The following CSRNP3 variants were observed in gnomAD, a reference collection of about 807,000 sequenced individuals.
CSRNP3 encodes the protein cysteine and serine rich nuclear protein 3.
CSRNP3 carries 12 observed loss-of-function variants against 48.0 expected under a neutral mutation model. The ratio of observed to expected loss-of-function variants is 0.25; its 90% CI spans 0.16 to 0.41. CSRNP3 has a LOEUF of 0.41. CSRNP3 is among the 10% of genes least tolerant of loss of function. The pLI is 1.00. For missense variants in CSRNP3, 580 were observed against 724.4 expected (o/e 0.80, Z 2.29); for synonymous variants, 263 against 269.7 (o/e 0.98, Z 0.24).
intron 3 of CSRNP3, among the ~76,000 whole-genome samples, chr2:165,518,681 T>C (rs1308146749): frequency 2.0e-5 from 3 of 152,060 alleles, no homozygotes; most frequent in Non-Finnish European, 2.9e-5. Context: ...TGTGTTTATA[T>C]TGTGGGACCC....
intron 1 of CSRNP3, among the ~76,000 whole-genome samples, chr2:165,480,774 T>TTATACATTA (rs1684029568): frequency 8.3e-6 from 1 of 119,872 alleles, no homozygotes; most frequent in Non-Finnish European, 1.8e-5. Context: ...ATATAAAATT[T>TTATACATTA]TATATATTAT....
At chr2:165,500,343 A>T (rs928478281) in intron 2 of CSRNP3, among the ~76,000 whole-genome samples, 1 of 150,446 alleles carries the variant, frequency 6.6e-6, no homozygotes, top group South Asian at 2.1e-4. Flanking sequence ...ATACATATGT[A>T]TATATGTATA....
At chr2:165,547,255 A>G (rs910952724) in intron 3 of CSRNP3, among the ~76,000 whole-genome samples, 5 of 152,214 alleles carry the variant, frequency 3.3e-5, no homozygotes, top group Admixed American at 2.6e-4. Flanking sequence ...AATTTTCAAT[A>G]TCACAAAGAA....
intron 4 of CSRNP3, among the ~76,000 whole-genome samples, chr2:165,615,188 TTAA>T (rs1329724110): frequency 2.6e-5 from 4 of 152,176 alleles, no homozygotes; most frequent in African/African-American, 7.2e-5. Flanking sequence ...GTGTCTCTCT[TTAA>T]TAATATTTGC....
chr2:165,570,138 G>C (rs1231518510), intron 3 of CSRNP3, among the ~76,000 whole-genome samples: 3 of 151,904 alleles, frequency 2.0e-5, no homozygotes, highest in African/African-American at 7.2e-5. Flanking sequence ...CTGGTGTGCA[G>C]ACTTGAAAAC....
chr2:165,674,120 G>A (rs1687380649), intron 5 of CSRNP3, among the ~76,000 whole-genome samples: 2 of 152,132 alleles, frequency 1.3e-5, no homozygotes, highest in Admixed American at 6.5e-5. Flanking sequence ...GCACAAGTAA[G>A]CATAAATATT....
chr2:165,471,245 C>T (rs1284474173), intron 1 of CSRNP3, among the ~76,000 whole-genome samples: 1 of 151,818 alleles, frequency 6.6e-6, no homozygotes, highest in Non-Finnish European at 1.5e-5. Flanking sequence ...TGAACTGTTT[C>T]TGGATTTCAA....
intron 3 of CSRNP3, among the ~76,000 whole-genome samples, chr2:165,569,293 A>T (rs1023890658): frequency 6.6e-6 from 1 of 152,130 alleles, no homozygotes; most frequent in Non-Finnish European, 1.5e-5. Context: ...TATACATACC[A>T]GTTAATATGG....
In CSRNP3 at chr2:165,485,994, C is replaced by T. The variant is rs367653603; in HGVS notation, c.-282-8765C>T. Among the ~76,000 whole-genome samples the T allele has an allele frequency of 7.9e-5, 12 of 151,256 alleles. No homozygotes were observed. The East Asian group carries it at 9.9e-4, about 12-fold the overall frequency. ...GGTCTACAGCTCCCAGCGTGAGCGA[C>T]GCAGAAGACGGGTGATTTCTGCATT... is the stretch of plus-strand genomic sequence containing the variant. On this transcript the variant is annotated intron_variant, in intron 1 of 6. Transcript: ENST00000651982.
chr2:165,663,266 T>C lies in CSRNP3; in HGVS notation c.408+5246T>C, dbSNP rs367552894. Among the ~76,000 whole-genome samples, 4 of 152,190 alleles carry C rather than the reference T, an allele frequency of 2.6e-5. No individual in the cohort carries two copies. In the South Asian group the frequency reaches 6.2e-4, roughly 24 times the overall value. ...AACTATTTCCCCATACTCTGATTCT[T>C]TATTAGATGTGTCAGAACCTGCTGG... On this transcript the variant is annotated intron_variant, in intron 5 of 6. Transcript: ENST00000651982.
intron 3 of CSRNP3, among the ~76,000 whole-genome samples, chr2:165,561,215 C>T (rs1685229534): frequency 6.6e-6 from 1 of 152,110 alleles, no homozygotes; most frequent in Non-Finnish European, 1.5e-5. Flanking sequence ...AATCTTTATG[C>T]CTTACATTTG....
At chr2:165,577,349 A>G (rs535258909) in intron 3 of CSRNP3, among the ~76,000 whole-genome samples, 1 of 151,970 alleles carries the variant, frequency 6.6e-6, no homozygotes, top group South Asian at 2.1e-4. Flanking sequence ...AAAATTGTAA[A>G]ATGATTTTAA....
chr2:165,546,276 C>G (rs1685023990), intron 3 of CSRNP3, among the ~76,000 whole-genome samples: 1 of 152,136 alleles, frequency 6.6e-6, no homozygotes, highest in South Asian at 2.1e-4. Flanking sequence ...ACTGCAACCT[C>G]TGTTCAATTG....
chr2:165,514,608 C>T (rs1449918759), intron 2 of CSRNP3, among the ~76,000 whole-genome samples: 1 of 152,244 alleles, frequency 6.6e-6, no homozygotes, highest in Non-Finnish European at 1.5e-5. Context: ...CTGGAATGGT[C>T]ACCTGCATCA....
At chr2:165,643,350 T>C (rs1252176004) in intron 4 of CSRNP3, among the ~76,000 whole-genome samples, 1 of 152,210 alleles carries the variant, frequency 6.6e-6, no homozygotes, top group Non-Finnish European at 1.5e-5. Flanking sequence ...AGTCTTCCTC[T>C]GGGACAAAGA....
intron 3 of CSRNP3, chr2:165,574,118 C>G: frequency 2.1e-6 from 1 of 487,350 alleles, no homozygotes; most frequent in Non-Finnish European, 3.6e-6. Context: ...TTCCTGCTCT[C>G]CCGTGATTCA....
chr2:165,617,776 G>A (rs1242246782), intron 4 of CSRNP3, among the ~76,000 whole-genome samples: 1 of 152,228 alleles, frequency 6.6e-6, no homozygotes, highest in Non-Finnish European at 1.5e-5. Context: ...CCATTCTTCA[G>A]CTCCCTATGT....
chr2:165,558,415 G>A (rs886215059), intron 3 of CSRNP3, among the ~76,000 whole-genome samples: 34 of 152,142 alleles, frequency 2.2e-4, no homozygotes, highest in Admixed American at 1.3e-4. Context: ...ACCTTTTATC[G>A]TGGCATGTAT....
intron 3 of CSRNP3, among the ~76,000 whole-genome samples, chr2:165,568,915 G>A (rs965191182): frequency 3.3e-5 from 5 of 151,788 alleles, no homozygotes; most frequent in Admixed American, 2.6e-4. Flanking sequence ...GATTTTAGCA[G>A]ATATATTGAA....
Sources: allele counts gnomAD v4.1 joint callset (sites outside exome capture counted in the v4.1 genomes callset), GRCh38; gene constraint gnomAD v4.1.1; transcripts MANE v1.5; gene names NCBI Gene and HGNC (gene_info 2026-07-23, HGNC 2026-07-21).